Variants in TFDP1 observed in about 807,000 individuals in gnomAD.
TFDP1 encodes the protein DRTF1-polypeptide 1.
TFDP1 carries 6 observed loss-of-function variants against 48.0 expected under a neutral mutation model. The ratio of observed to expected loss-of-function variants is 0.13; its 90% CI spans 0.07 to 0.25. The LOEUF (loss-of-function observed/expected upper bound fraction) is 0.25. Ranked by LOEUF, TFDP1 falls within the 10% of genes least tolerant of loss-of-function variation. TFDP1 has a pLI of 1.00. For synonymous variants in TFDP1, 201 were observed against 211.6 expected (o/e 0.95, Z 0.44); for missense variants, 335 against 543.0 (o/e 0.62, Z 3.81).
intron 3 of TFDP1, among the ~76,000 whole-genome samples, chr13:113,617,672 C>CTG (rs2048896786): frequency 4.5e-5 from 5 of 110,292 alleles, no homozygotes; most frequent in East Asian, 2.5e-4. Context: ...ACCTGCAGAG[C>CTG]CGCTCACCTG....
intron 2 of TFDP1, among the ~76,000 whole-genome samples, chr13:113,588,462 G>A (rs995581603): frequency 2.6e-5 from 4 of 152,226 alleles, no homozygotes; most frequent in Non-Finnish European, 5.9e-5. Context: ...GGAGACAAGC[G>A]GGTGGGAAAA....
At chr13:113,605,368 C>T (rs1407417201) in intron 2 of TFDP1, among the ~76,000 whole-genome samples, 1 of 151,792 alleles carries the variant, frequency 6.6e-6, no homozygotes, top group Non-Finnish European at 1.5e-5. Flanking sequence ...AAAAGAACCA[C>T]TTTTTTTTAA....
At chr13:113,590,039 G>A (rs901801634) in intron 2 of TFDP1, among the ~76,000 whole-genome samples, 14 of 152,370 alleles carry the variant, frequency 9.2e-5, no homozygotes, top group East Asian at 3.9e-4. Context: ...GATGTAGCCC[G>A]TGTGGGGCTG....
chr13:113,617,719 A>C (rs1389886129), intron 3 of TFDP1, among the ~76,000 whole-genome samples: 2 of 152,174 alleles, frequency 1.3e-5, no homozygotes, highest in Non-Finnish European at 2.9e-5. Flanking sequence ...GTGCTTGGCC[A>C]GATAAGCAAA....
At chr13:113,616,674 A>C (rs2048867087) in intron 3 of TFDP1, among the ~76,000 whole-genome samples, 1 of 152,160 alleles carries the variant, frequency 6.6e-6, no homozygotes, top group African/African-American at 2.4e-5. Flanking sequence ...GAAATTTAGC[A>C]ATGATGTGTG....
intron 4 of TFDP1, among the ~76,000 whole-genome samples, chr13:113,626,470 T>C (rs1399184921): frequency 5.9e-5 from 9 of 152,102 alleles, no homozygotes; most frequent in Admixed American, 5.9e-4. Context: ...CTGAGCAGGA[T>C]TGCCTTCCCC....
At chr13:113,639,526 T>C (rs2049588384) in intron 11 of TFDP1, among the ~76,000 whole-genome samples, 1 of 152,258 alleles carries the variant, frequency 6.6e-6, no homozygotes, top group Admixed American at 6.5e-5. Context: ...AAAGGCACAT[T>C]AACACATTTT....
intron 3 of TFDP1, among the ~76,000 whole-genome samples, chr13:113,620,380 TGCTGATGGAGAGTGACAGTGCCACTG>T (rs2048968397): frequency 6.6e-6 from 1 of 152,256 alleles, no homozygotes; most frequent in Non-Finnish European, 1.5e-5. Context: ...CCGCCTGGGC[TGCTGATGGAGAGTGACAGTGCCACTG>T]GCTTTTGTGA....
rs2049342173 is a variant in TFDP1, at chr13:113,631,750, C to T, written c.308+6C>T. 6 of 1,613,884 alleles carry T rather than the reference C, an allele frequency of 3.7e-6. No individual in the cohort carries two copies. The highest frequency in any genetic ancestry group is 2.2e-5 in the East Asian group (1 of 44,866). ...TCCTCACCTTGGTCTGCCGGGTGAG[C>T]ACTTCCCTCTGGACCCTTAGAGTTG... On this transcript the variant is annotated splice_donor_region_variant and intron_variant, in intron 5 of 11. Coordinates refer to ENST00000375370, the MANE Select transcript of TFDP1 (RefSeq NM_007111.5).
intron 2 of TFDP1, among the ~76,000 whole-genome samples, chr13:113,606,570 A>G (rs2048576412): frequency 6.6e-6 from 1 of 152,028 alleles, no homozygotes; most frequent in African/African-American, 2.4e-5. Flanking sequence ...ACATGTGAAG[A>G]CGCCGCACAG....
Position 113,633,156 on chromosome 13 carries a change from C to T in TFDP1, c.345C>T (p.Gly115=). 1 of 1,614,176 alleles carries T rather than the reference C, an allele frequency of 6.2e-7. No individual in the cohort carries two copies. The highest frequency in any genetic ancestry group is 1.3e-5 in the African/African-American group (1 of 75,062). The change falls in exon 6 of 12, where the codon GGC becomes GGT. Residue 115 remains glycine, a synonymous_variant. Coordinates refer to ENST00000375370, the MANE Select transcript of TFDP1 (RefSeq NM_007111.5). The surrounding 1 kb of genome is among the most constrained non-coding windows in gnomAD (Gnocchi z 4.5). ...GGAAAGGAGAGAAGAATGGCAAGGG[C>T]CTACGGCATTTCTCCATGAAGGTCT... ...RNRKGEKNGK[G]LRHFSMKVCE...
At chr13:113,638,668 A>G (rs1015416694) in intron 11 of TFDP1, among the ~76,000 whole-genome samples, 4 of 152,206 alleles carry the variant, frequency 2.6e-5, no homozygotes, top group African/African-American at 9.6e-5. Context: ...AAGGGCCTTT[A>G]TTTAAATAAA....
At chr13:113,625,018 C>T (rs549168236) in intron 4 of TFDP1, among the ~76,000 whole-genome samples, 5 of 133,944 alleles carry the variant, frequency 3.7e-5, no homozygotes, top group African/African-American at 5.8e-5. Flanking sequence ...GTGTCTCTCA[C>T]GTGTCCTCAG....
intron 2 of TFDP1, among the ~76,000 whole-genome samples, chr13:113,608,288 G>A (rs535970221): frequency 6.6e-6 from 1 of 152,358 alleles, no homozygotes; most frequent in East Asian, 1.9e-4. Flanking sequence ...TTTTTAGCAG[G>A]CGCTCATGCT....
intron 3 of TFDP1, among the ~76,000 whole-genome samples, chr13:113,617,992 C>G (rs972208035): frequency 2.0e-5 from 3 of 152,208 alleles, no homozygotes; most frequent in African/African-American, 7.2e-5. Flanking sequence ...AAGGAATTCT[C>G]CATTTAAAAT....
chr13:113,633,487 G>A lies in TFDP1; in HGVS notation c.474+202G>A, dbSNP rs575121336. ...GGAGCCCAGCGGTGTGGTACGTTTC[G>A]CTCTTTTAATATCGGGAACAGTTAA... On this transcript the variant is annotated intron_variant, in intron 6 of 11. Transcript: ENST00000375370. The surrounding 1 kb of genome is among the most constrained non-coding windows in gnomAD (Gnocchi z 4.5). 5.8e-4 allele frequency among the ~76,000 whole-genome samples: 89 copies of A among 152,264 alleles called. 1 individual carries two copies. Among genetic ancestry groups the A allele is most frequent in the African/African-American group, 1.6e-3 (65 of 41,540 alleles).
chr13:113,597,503 G>C (rs955695918), intron 2 of TFDP1, among the ~76,000 whole-genome samples: 2 of 152,204 alleles, frequency 1.3e-5, no homozygotes, highest in East Asian at 3.9e-4. Flanking sequence ...GGGCCTGAAC[G>C]GCTGGACCTT....
chr13:113,605,450 A>G (rs2048540257), intron 2 of TFDP1, among the ~76,000 whole-genome samples: 1 of 152,232 alleles, frequency 6.6e-6, no homozygotes, highest in Admixed American at 6.5e-5. Context: ...GTAGTGGCTT[A>G]AAACAACAAT....
At position 113,623,312 on chromosome 13, in the gene TFDP1, C is replaced by A; in HGVS notation, c.186+26C>A. The stretch of plus-strand genomic sequence containing the variant: ...GTAAGCCTCCCGCAGGAGCGGACAG[C>A]CGGGATCTCGGTGTGAGGTCGGGAT... On this transcript the variant is annotated intron_variant, in intron 4 of 11. Transcript: ENST00000375370. This position sits in a 1 kb window ranked among gnomAD's most constrained non-coding sequence, Gnocchi z 5.2. 2 of 1,582,788 alleles carry A rather than the reference C, an allele frequency of 1.3e-6. No individual in the cohort carries two copies. The highest frequency in any genetic ancestry group is 4.7e-5 in the East Asian group (2 of 42,990).
Sources: allele counts gnomAD v4.1 joint callset (sites outside exome capture counted in the v4.1 genomes callset), GRCh38; gene constraint gnomAD v4.1.1; non-coding constraint Gnocchi (gnomAD v3.1); transcripts MANE v1.5; gene names NCBI Gene and HGNC (gene_info 2026-07-23, HGNC 2026-07-21).